Variants in SORCS3 observed in about 807,000 individuals in gnomAD.
The protein encoded by SORCS3 is sortilin related VPS10 domain containing receptor 3.
A neutral mutation model predicts 146.3 loss-of-function variants in SORCS3; 57 were observed. The observed-to-expected ratio is 0.39, with a 90% confidence interval of 0.31 to 0.49. SORCS3 has a LOEUF of 0.49. SORCS3 is among the 20% of genes least tolerant of loss of function. The pLI is 0.92. For synonymous variants in SORCS3, 653 were observed against 618.5 expected (o/e 1.06, Z -0.83); for missense variants, 1,341 against 1,575.5 (o/e 0.85, Z 2.52).
At chr10:105,242,446 AT>A (rs1231927743) in intron 20 of SORCS3, among the ~76,000 whole-genome samples, 1 of 92,966 alleles carries the variant, frequency 1.1e-5, no homozygotes, top group Non-Finnish European at 1.9e-5. Flanking sequence ...ATATTTATAT[AT>A]ATTTATATAT....
intron 1 of SORCS3, among the ~76,000 whole-genome samples, chr10:104,828,389 G>A (rs60156952): frequency 0.13 from 19,178 of 152,114 alleles, 1,281 homozygotes; most frequent in South Asian, 0.26. Flanking sequence ...ATGGGGAACA[G>A]CCGATCAGTG....
chr10:104,790,267 G>C (rs144958370), intron 1 of SORCS3, among the ~76,000 whole-genome samples: 1,612 of 152,254 alleles, frequency 0.011, 28 homozygotes, highest in African/African-American at 0.037. Flanking sequence ...CAAAAAGAAA[G>C]GAAGAACATT....
intron 1 of SORCS3, among the ~76,000 whole-genome samples, chr10:104,725,341 T>C (rs28809189): frequency 0.2 from 30,502 of 152,134 alleles, 3,321 homozygotes; most frequent in Non-Finnish European, 0.25. Context: ...GTGGAAGTTT[T>C]GTCTCAGAGG....
intron 19 of SORCS3, among the ~76,000 whole-genome samples, chr10:105,221,363 A>T (rs1180859259): frequency 6.6e-6 from 1 of 152,186 alleles, no homozygotes; most frequent in Non-Finnish European, 1.5e-5. Context: ...AGGGACTACT[A>T]CCCAATGACA....
intron 4 of SORCS3, among the ~76,000 whole-genome samples, chr10:105,012,061 G>C (rs183742401): frequency 5.8e-4 from 89 of 152,268 alleles, no homozygotes; most frequent in Non-Finnish European, 1.2e-3. Context: ...ATTTGAGAGA[G>C]CATAAGTTTC....
chr10:104,973,796 A>G (rs1382875997), intron 3 of SORCS3, among the ~76,000 whole-genome samples: 1 of 144,446 alleles, frequency 6.9e-6, no homozygotes, highest in African/African-American at 2.8e-5. Flanking sequence ...TTAGGGTGTC[A>G]ATTTTGGATC....
intron 8 of SORCS3, among the ~76,000 whole-genome samples, chr10:105,142,197 A>G (rs545728279): frequency 1.3e-5 from 2 of 152,290 alleles, no homozygotes; most frequent in South Asian, 4.1e-4. Context: ...TTTCTACAAG[A>G]GAAAATATTT....
chr10:104,654,673 G>T (rs2015603499), intron 1 of SORCS3, among the ~76,000 whole-genome samples: 1 of 152,162 alleles, frequency 6.6e-6, no homozygotes, highest in Admixed American at 6.5e-5. Context: ...TCTTGGATTT[G>T]GGAAGTACTT....
At chr10:104,748,957 T>G (rs558982216) in intron 1 of SORCS3, among the ~76,000 whole-genome samples, 5 of 152,210 alleles carry the variant, frequency 3.3e-5, no homozygotes, top group Admixed American at 2.0e-4. Context: ...TTTTCCCAGC[T>G]GTGGTCAGGT....
chr10:105,175,427 A>G (rs983246937), intron 13 of SORCS3, among the ~76,000 whole-genome samples: 1 of 152,094 alleles, frequency 6.6e-6, no homozygotes, highest in Admixed American at 6.6e-5. Context: ...TTTGGCTTTC[A>G]TCTGCCAAGA....
At position 104,724,891 on chromosome 10, in the gene SORCS3, A is replaced by AGG. The variant is rs1347134822; in HGVS notation, c.627+82938_627+82939dup. Among the ~76,000 whole-genome samples, 24 of 152,158 alleles carry AGG rather than the reference A, an allele frequency of 1.6e-4. No homozygotes were observed. The East Asian group carries it at 4.6e-3, about 29-fold the overall frequency. ...TAGCCATTCGTCTAATTTTTTTTCA[A>AGG]GGTATTTAACTTCTTTGCCATGAGT... On this transcript the variant is annotated intron_variant, in intron 1 of 26. Transcript: ENST00000369701.
At chr10:104,745,561 A>T (rs1564673887) in intron 1 of SORCS3, among the ~76,000 whole-genome samples, 1 of 152,034 alleles carries the variant, frequency 6.6e-6, no homozygotes, top group Non-Finnish European at 1.5e-5. Context: ...CCTTTTTATT[A>T]GTTATTATTA....
chr10:104,748,487 TAGGTATTTC>T (rs1346945466), intron 1 of SORCS3, among the ~76,000 whole-genome samples: 1 of 152,154 alleles, frequency 6.6e-6, no homozygotes, highest in Non-Finnish European at 1.5e-5. Context: ...AAAGATACTG[TAGGTATTTC>T]AGGAAAAAAC....
chr10:104,765,885 C>T (rs962481572), intron 1 of SORCS3, among the ~76,000 whole-genome samples: 2 of 152,078 alleles, frequency 1.3e-5, no homozygotes, highest in Admixed American at 6.5e-5. Context: ...CCTGGGATTC[C>T]CACCCAGTGA....
At chr10:104,999,318 C>T (rs922280545) in intron 4 of SORCS3, among the ~76,000 whole-genome samples, 11 of 152,200 alleles carry the variant, frequency 7.2e-5, no homozygotes, top group African/African-American at 1.2e-4. Flanking sequence ...TGGCTCTGAC[C>T]AGCTGCCAAG....
At chr10:104,674,535 G>A (rs2015892167) in intron 1 of SORCS3, among the ~76,000 whole-genome samples, 1 of 152,224 alleles carries the variant, frequency 6.6e-6, no homozygotes, top group Non-Finnish European at 1.5e-5. Context: ...GTGAGTGAGG[G>A]AAGCAAATCT....
chr10:105,077,589 G>C (rs2133731412), intron 5 of SORCS3, among the ~76,000 whole-genome samples: 1 of 149,130 alleles, frequency 6.7e-6, no homozygotes, highest in Admixed American at 6.7e-5. Flanking sequence ...TAGGATCCAA[G>C]TAATAAATAC....
intron 1 of SORCS3, among the ~76,000 whole-genome samples, chr10:104,748,762 G>A (rs568223334): frequency 4.9e-4 from 74 of 152,252 alleles, no homozygotes; most frequent in Admixed American, 2.4e-3. Flanking sequence ...CTGAGGCAGG[G>A]GAATTGCTTG....
chr10:104,684,809 TTTTTTTTTTTTTTTTTTTTTTTTTA>T (rs2016025338), intron 1 of SORCS3, among the ~76,000 whole-genome samples: 16 of 48,664 alleles, frequency 3.3e-4, no homozygotes, highest in Middle Eastern at 7.0e-3. Context: ...TTTTTTTTTT[TTTTTTTTTTTTTTTTTTTTTTTTTA>T]TGAGACACAG....
Sources: gnomAD v4.1 joint callset for allele counts (sites outside exome capture counted in the v4.1 genomes callset) on GRCh38, gnomAD v4.1.1 for gene constraint, MANE v1.5 for transcripts, NCBI Gene and HGNC (gene_info 2026-07-23, HGNC 2026-07-21) for gene names.